The following CA12 variants were observed in gnomAD, a reference collection of about 807,000 sequenced individuals.
CA12 encodes the protein carbonate dehydratase XII.
A neutral mutation model predicts 46.8 loss-of-function variants in CA12; 36 were observed. That is an observed-to-expected ratio of 0.77 (90% CI 0.59 to 1.02). The LOEUF is 1.02. Ranked by LOEUF, CA12 falls within the 50% of genes least tolerant of loss-of-function variation. CA12 has a pLI of 0.00. For synonymous variants in CA12, 202 were observed against 187.0 expected (o/e 1.08, Z -0.65); for missense variants, 436 against 451.4 (o/e 0.97, Z 0.31).
chr15:63,335,137 G>A (rs917588295), intron 8 of CA12, among the ~76,000 whole-genome samples: 2 of 152,196 alleles, frequency 1.3e-5, no homozygotes, highest in African/African-American at 4.8e-5. Context: ...GTTAAAACTG[G>A]GGAGGGGCAA....
Position 63,328,013 on chromosome 15 carries a change from A to C in CA12, c.907+85T>G, listed in dbSNP as rs111488007. On this transcript the variant is annotated intron_variant, in intron 9 of 10. Transcript: ENST00000178638. This position sits in a 1 kb window ranked among gnomAD's most constrained non-coding sequence, Gnocchi z 5.9. ...AGGAGCCAGAGCAATAGTACAGAGA[A>C]GCAGAGAGGACGGGCTTGGATCACA... 7 of 1,279,960 alleles carry C rather than the reference A, an allele frequency of 5.5e-6. No individual in the cohort carries two copies. Among genetic ancestry groups the C allele is most frequent in the Non-Finnish European group, 8.0e-6 (7 of 877,670 alleles). 79.3% of individuals were successfully genotyped at this position (1,279,960 alleles called of 1,614,324 possible).
rs1239602355 is a variant in CA12, at chr15:63,330,160, T to A, written c.875-2030A>T. 6.6e-6 allele frequency among the ~76,000 whole-genome samples: 1 copy of A among 152,226 alleles called. No homozygotes were observed. The highest frequency in any genetic ancestry group is 1.5e-5 in the Non-Finnish European group (1 of 68,034). ...CTGCCCCAGGCCTCTTCGTGTAACC[T>A]GAACACAAGGACCAGCCTGTGGCTT... On this transcript the variant is annotated intron_variant, in intron 8 of 10. Coordinates refer to ENST00000178638, the MANE Select transcript of CA12 (RefSeq NM_001218.5). This position sits in a 1 kb window ranked among gnomAD's most constrained non-coding sequence, Gnocchi z 4.0.
chr15:63,358,715 T>G (rs991228897), intron 2 of CA12, among the ~76,000 whole-genome samples: 1 of 152,164 alleles, frequency 6.6e-6, no homozygotes, highest in Non-Finnish European at 1.5e-5. Flanking sequence ...ACATCCAATG[T>G]TTACTTCCTC....
At chr15:63,333,691 T>C (rs988256309) in intron 8 of CA12, among the ~76,000 whole-genome samples, 4 of 152,254 alleles carry the variant, frequency 2.6e-5, no homozygotes, top group African/African-American at 9.6e-5. Flanking sequence ...CCATGTCTGA[T>C]TTCCTTCTCC....
chr15:63,337,703 C>T (rs1038365591), intron 8 of CA12, among the ~76,000 whole-genome samples: 12 of 151,714 alleles, frequency 7.9e-5, no homozygotes, highest in Admixed American at 1.3e-4. Flanking sequence ...GATCCACCCA[C>T]CTCGGCCTCC....
intron 2 of CA12, among the ~76,000 whole-genome samples, chr15:63,353,796 C>T (rs999659231): frequency 7.2e-5 from 11 of 152,192 alleles, no homozygotes; most frequent in African/African-American, 9.7e-5. Context: ...ATCCTCCTGC[C>T]TCAGCCTCCC....
intron 4 of CA12, among the ~76,000 whole-genome samples, chr15:63,343,963 C>T (rs1240926263): frequency 6.6e-6 from 1 of 152,148 alleles, no homozygotes; most frequent in Non-Finnish European, 1.5e-5. Flanking sequence ...TCACTGTGGG[C>T]CGCAAGGTCT....
intron 1 of CA12, among the ~76,000 whole-genome samples, chr15:63,380,820 A>C (rs1182040642): frequency 6.6e-6 from 1 of 152,202 alleles, no homozygotes; most frequent in Non-Finnish European, 1.5e-5. Context: ...CTTTCGGTCC[A>C]AAATCACTTT....
chr15:63,340,566 A>G lies in CA12; in HGVS notation c.590-121T>C. Reference sequence around the variant, plus strand: ...GCCCCTTTCAGGGTCATCTAACCCCAGGACCTGGTTGCAACATTGTTCAAC... The same window carrying G: ...GCCCCTTTCAGGGTCATCTAACCCCGGGACCTGGTTGCAACATTGTTCAAC... On this transcript the variant is annotated intron_variant, in intron 6 of 10. Transcript: ENST00000178638. The surrounding 1 kb of genome is among the most constrained non-coding windows in gnomAD (Gnocchi z 4.4). 1 of 1,448,964 alleles carries G rather than the reference A, an allele frequency of 6.9e-7. No homozygotes were observed. The highest frequency in any genetic ancestry group is 9.7e-7 in the Non-Finnish European group (1 of 1,030,914). The allele number at this position is 1,448,964 out of a possible 1,614,324, so 89.8% of individuals were successfully genotyped here. A position where few individuals can be genotyped will look rare whatever the true frequency, so the allele number is the denominator to read the frequency against.
intron 3 of CA12, 124 bp downstream of exon 3, chr15:63,346,406 C>T (rs1331760535): frequency 1.4e-6 from 1 of 692,742 alleles, no homozygotes; most frequent in East Asian, 2.8e-5. Context: ...GACACCCCCG[C>T]CCCGCCCCAC....
intron 2 of CA12, among the ~76,000 whole-genome samples, chr15:63,370,524 C>T (rs1240311896): frequency 6.7e-6 from 1 of 149,040 alleles, no homozygotes; most frequent in Non-Finnish European, 1.5e-5. Context: ...TGTAATCCCA[C>T]CACTTTGGGA....
rs151132541 is a variant in CA12, at chr15:63,376,367, T to A, written c.86-689A>T. ...TTCTTCCCACTCTACCTTCCCTGCT[T>A]CCATTAGACAAGGAGGTTAGCTGAT... is the stretch of plus-strand genomic sequence containing the variant. On this transcript the variant is annotated intron_variant, in intron 1 of 10. Coordinates refer to ENST00000178638, the MANE Select transcript of CA12 (RefSeq NM_001218.5). Among the ~76,000 whole-genome samples the A allele has an allele frequency of 1.3e-3, 199 of 152,276 alleles. 1 individual carries two copies. Among genetic ancestry groups the A allele is most frequent in the African/African-American group, 4.6e-3 (193 of 41,558 alleles).
Position 63,379,859 on chromosome 15 carries a change from C to T in CA12, c.85+1777G>A, listed in dbSNP as rs115255152. Among the ~76,000 whole-genome samples the T allele has an allele frequency of 7.0e-3, 1,062 of 152,286 alleles. 16 individuals carry two copies. Among genetic ancestry groups the T allele is most frequent in the African/African-American group, 0.024 (984 of 41,556 alleles). Reference sequence around the variant, plus strand: ...TTCACTGAAATGCCCCCCAAAGCCACGGCAACTAAGAATTCCAAGGGTTTC... The same window carrying T: ...TTCACTGAAATGCCCCCCAAAGCCATGGCAACTAAGAATTCCAAGGGTTTC... On this transcript the variant is annotated intron_variant, in intron 1 of 10. Transcript: ENST00000178638.
At chr15:63,379,601 G>T (rs1220399207) in intron 1 of CA12, among the ~76,000 whole-genome samples, 1 of 152,238 alleles carries the variant, frequency 6.6e-6, no homozygotes, top group African/African-American at 2.4e-5. Flanking sequence ...AAACCTGGGA[G>T]GCTCAGCCTG....
At chr15:63,332,844 AAGCTTATATTG>A (rs1483380113) in intron 8 of CA12, among the ~76,000 whole-genome samples, 41 of 152,330 alleles carry the variant, frequency 2.7e-4, no homozygotes, top group African/African-American at 9.4e-4. Flanking sequence ...TTCTTTCAAC[AAGCTTATATTG>A]AGCACCAGGC....
chr15:63,346,421 C>A, intron 3 of CA12, 109 bp downstream of exon 3: 3 of 699,606 alleles, frequency 4.3e-6, no homozygotes, highest in Non-Finnish European at 2.5e-6. Flanking sequence ...CCCCACCCCT[C>A]CTCCTGGATG....
intron 1 of CA12, among the ~76,000 whole-genome samples, chr15:63,380,292 A>C (rs989034835): frequency 6.6e-6 from 1 of 152,026 alleles, no homozygotes; most frequent in Non-Finnish European, 1.5e-5. Flanking sequence ...AAGAGCAGGG[A>C]AAGTAGGGAA....
rs140598164 is a variant in CA12, at chr15:63,327,777, C to T, written c.907+321G>A. Among the ~76,000 whole-genome samples, 3 of 152,338 alleles carry T rather than the reference C, an allele frequency of 2.0e-5. No homozygotes were observed. In the East Asian group the frequency reaches 5.8e-4, roughly 29 times the overall value. On this transcript the variant is annotated intron_variant, in intron 9 of 10. Transcript: ENST00000178638. This position sits in a 1 kb window ranked among gnomAD's most constrained non-coding sequence, Gnocchi z 4.5. ...ATGACCAGTAGTCCATTGCCAAGGT[C>T]ATGCGGCCTGTCAGCTGACCTCCAC...
intron 2 of CA12, among the ~76,000 whole-genome samples, chr15:63,362,597 T>G (rs1195298703): frequency 6.6e-6 from 1 of 152,174 alleles, no homozygotes; most frequent in East Asian, 1.9e-4. Flanking sequence ...AAAGAGGGGA[T>G]CTGATAAAAG....
Sources: gnomAD v4.1 joint callset for allele counts (sites outside exome capture counted in the v4.1 genomes callset) on GRCh38, gnomAD v4.1.1 for gene constraint, Gnocchi (gnomAD v3.1) non-coding constraint, MANE v1.5 for transcripts, NCBI Gene and HGNC (gene_info 2026-07-23, HGNC 2026-07-21) for gene names.